Variants in GRM7 observed in about 807,000 individuals in gnomAD.
GRM7 encodes glutamate metabotropic receptor 7, also known as metabotropic glutamate receptor 7.
In GRM7, 35 loss-of-function variants were observed where a neutral mutation model predicts 84.5. The observed-to-expected ratio is 0.41, with a 90% confidence interval of 0.32 to 0.55. The LOEUF (loss-of-function observed/expected upper bound fraction) is 0.55, where lower values mean the gene tolerates loss of function less well. GRM7 is among the 20% of genes least tolerant of loss of function. The pLI is 0.19. For missense variants in GRM7, 1,003 were observed against 1,194.6 expected (o/e 0.84, Z 2.36); for synonymous variants, 487 against 455.1 (o/e 1.07, Z -0.89).
intron 1 of GRM7, among the ~76,000 whole-genome samples, chr3:6,888,945 A>C (rs1262270776): frequency 1.3e-5 from 2 of 152,124 alleles, no homozygotes; most frequent in African/African-American, 2.4e-5. Context: ...GAGGTCCTTC[A>C]CATCCCTTGT....
At chr3:7,190,162 C>T (rs1034352646) in intron 2 of GRM7, among the ~76,000 whole-genome samples, 1 of 152,170 alleles carries the variant, frequency 6.6e-6, no homozygotes, top group African/African-American at 2.4e-5. Context: ...TCAAGTAACA[C>T]ATCCATTGAC....
intron 1 of GRM7, among the ~76,000 whole-genome samples, chr3:6,865,553 T>A (rs1694910883): frequency 6.6e-6 from 1 of 152,082 alleles, no homozygotes; most frequent in Non-Finnish European, 1.5e-5. Flanking sequence ...GTGGATTTTT[T>A]TTTTTTTTTC....
At chr3:6,963,552 G>A (rs1693385831) in intron 1 of GRM7, among the ~76,000 whole-genome samples, 1 of 151,612 alleles carries the variant, frequency 6.6e-6, no homozygotes. Context: ...TTGAGCCCAG[G>A]AGTTTCAGGT....
At chr3:7,398,389 G>A (rs1695303165) in intron 4 of GRM7, among the ~76,000 whole-genome samples, 1 of 152,096 alleles carries the variant, frequency 6.6e-6, no homozygotes, top group South Asian at 2.1e-4. Flanking sequence ...ATCATCAAGA[G>A]GGGAACCAGG....
At chr3:7,346,831 G>C (rs2125086354) in intron 4 of GRM7, among the ~76,000 whole-genome samples, 1 of 152,210 alleles carries the variant, frequency 6.6e-6, no homozygotes, top group Admixed American at 6.5e-5. Context: ...GATAAGATGA[G>C]AATTCTGAGT....
intron 2 of GRM7, among the ~76,000 whole-genome samples, chr3:7,290,526 T>C (rs1699584532): frequency 6.6e-6 from 1 of 152,210 alleles, no homozygotes; most frequent in Non-Finnish European, 1.5e-5. Context: ...AAAGATATGA[T>C]GGATTCACAC....
chr3:7,561,639 G>A (rs1254648591), intron 7 of GRM7: 2 of 450,720 alleles, frequency 4.4e-6, no homozygotes, highest in Admixed American at 2.4e-5. Flanking sequence ...AGCAGTCTTG[G>A]AAGATAATGT....
intron 1 of GRM7, among the ~76,000 whole-genome samples, chr3:7,080,744 C>A (rs894903100): frequency 6.6e-6 from 1 of 151,768 alleles, no homozygotes; most frequent in African/African-American, 2.4e-5. Context: ...AAAGACAATA[C>A]AATTGCCATA....
At chr3:7,008,304 A>T (rs896567989) in intron 1 of GRM7, among the ~76,000 whole-genome samples, 1 of 152,204 alleles carries the variant, frequency 6.6e-6, no homozygotes, top group African/African-American at 2.4e-5. Context: ...TGGCCTATTT[A>T]GTTTGTTGTT....
Position 7,188,107 on chromosome 3 carries a change from T to C in GRM7, c.736+41439T>C, listed in dbSNP as rs1478929963. ...TGGGGTGGGTATTGGCTATTATACT[T>C]AGCATTATACTTGGGCAGGAGGACA... On this transcript the variant is annotated intron_variant, in intron 2 of 9. Transcript: ENST00000357716. This position sits in a 1 kb window ranked among gnomAD's most constrained non-coding sequence, Gnocchi z 4.2. 6.6e-6 allele frequency among the ~76,000 whole-genome samples: 1 copy of C among 152,092 alleles called. No individual in the cohort carries two copies. The highest frequency in any genetic ancestry group is 1.5e-5 in the Non-Finnish European group (1 of 68,020).
At chr3:7,594,526 G>T (rs1695945246) in intron 8 of GRM7, among the ~76,000 whole-genome samples, 1 of 152,094 alleles carries the variant, frequency 6.6e-6, no homozygotes, top group Admixed American at 6.6e-5. Context: ...ATCCTAATGA[G>T]TTCATTTGTT....
intron 8 of GRM7, among the ~76,000 whole-genome samples, chr3:7,602,238 A>C (rs1411327647): frequency 6.6e-6 from 1 of 152,088 alleles, no homozygotes; most frequent in Non-Finnish European, 1.5e-5. Context: ...AGAGGCAGGG[A>C]AAGTAGAGGC....
At chr3:7,409,513 G>A (rs1695824006) in intron 4 of GRM7, among the ~76,000 whole-genome samples, 1 of 152,122 alleles carries the variant, frequency 6.6e-6, no homozygotes, top group Non-Finnish European at 1.5e-5. Context: ...TGTATATAAA[G>A]ATGGATGATC....
chr3:7,414,070 G>A (rs913907632), intron 4 of GRM7, among the ~76,000 whole-genome samples: 2 of 152,112 alleles, frequency 1.3e-5, no homozygotes, highest in African/African-American at 2.4e-5. Context: ...TCCTTTGGTT[G>A]ATGTGACATT....
At chr3:7,244,610 C>G (rs756537732) in intron 2 of GRM7, among the ~76,000 whole-genome samples, 4 of 151,850 alleles carry the variant, frequency 2.6e-5, no homozygotes, top group Non-Finnish European at 5.9e-5. Context: ...AACTAATATG[C>G]CCAAAACTAA....
intron 2 of GRM7, among the ~76,000 whole-genome samples, chr3:7,193,830 C>A (rs1181427580): frequency 6.6e-6 from 1 of 151,918 alleles, no homozygotes; most frequent in East Asian, 1.9e-4. Flanking sequence ...AATAAACAAC[C>A]AGAGAACAGA....
chr3:7,008,702 C>G (rs1023684410), intron 1 of GRM7, among the ~76,000 whole-genome samples: 5 of 152,098 alleles, frequency 3.3e-5, no homozygotes, highest in African/African-American at 4.8e-5. Context: ...TTGTTTTTAC[C>G]TCATTTTGGG....
intron 8 of GRM7, among the ~76,000 whole-genome samples, chr3:7,614,610 C>A (rs538383557): frequency 6.1e-4 from 93 of 152,186 alleles, no homozygotes; most frequent in African/African-American, 2.1e-3. Context: ...CTTGATCAAT[C>A]CAATAGAATG....
intron 2 of GRM7, among the ~76,000 whole-genome samples, chr3:7,210,848 T>G (rs1235136675): frequency 1.3e-5 from 2 of 151,626 alleles, no homozygotes; most frequent in Non-Finnish European, 2.9e-5. Context: ...TTGTGCCTTG[T>G]AAATTTTAAA....
Sources: gnomAD v4.1 joint callset for allele counts (sites outside exome capture counted in the v4.1 genomes callset) on GRCh38, gnomAD v4.1.1 for gene constraint, Gnocchi (gnomAD v3.1) non-coding constraint, MANE v1.5 for transcripts, NCBI Gene and HGNC (gene_info 2026-07-23, HGNC 2026-07-21) for gene names.